ADAMTSL1: variants seen among roughly 807,000 people sequenced by gnomAD.
ADAMTSL1 encodes ADAMTS like 1, also known as ADAMTS-like protein 1.
A neutral mutation model predicts 201.8 loss-of-function variants in ADAMTSL1; 126 were observed. The ratio of observed to expected loss-of-function variants is 0.62; its 90% CI spans 0.54 to 0.72. The LOEUF (loss-of-function observed/expected upper bound fraction) is 0.72, where lower values mean the gene tolerates loss of function less well. Among genes scored for constraint, ADAMTSL1 ranks in the 30% least tolerant of loss-of-function variants. ADAMTSL1 has a pLI of 0.00. For missense variants in ADAMTSL1, 2,679 were observed against 2,277.8 expected, an observed-to-expected ratio of 1.18 and a Z score of -3.59; for synonymous variants, 1,121 against 903.4, an observed-to-expected ratio of 1.24 and a Z score of -4.32.
intron 2 of ADAMTSL1, among the ~76,000 whole-genome samples, chr9:18,202,782 A>C (rs1418936079): frequency 1.3e-5 from 2 of 152,024 alleles, no homozygotes; most frequent in African/African-American, 2.4e-5. Context: ...TGTTTTTTTC[A>C]TCTCCAGTTT....
At chr9:17,987,283 G>T (rs941447187) in intron 1 of ADAMTSL1, among the ~76,000 whole-genome samples, 20 of 152,044 alleles carry the variant, frequency 1.3e-4, no homozygotes, top group African/African-American at 4.3e-4. Flanking sequence ...TATTTCCCCA[G>T]ATGATAAGCA....
intron 23 of ADAMTSL1, among the ~76,000 whole-genome samples, chr9:18,843,191 T>C (rs1272874067): frequency 4.0e-5 from 6 of 150,886 alleles, no homozygotes; most frequent in Non-Finnish European, 1.5e-5. Context: ...CCTTTCCATG[T>C]TTAGTGCTTC....
At chr9:18,599,656 C>G (rs1387681335) in intron 4 of ADAMTSL1, among the ~76,000 whole-genome samples, 3 of 152,074 alleles carry the variant, frequency 2.0e-5, no homozygotes, top group African/African-American at 7.2e-5. Context: ...TTTCGTGGCT[C>G]TAAAGCAGAA....
chr9:18,200,076 G>A (rs999925546), intron 2 of ADAMTSL1, among the ~76,000 whole-genome samples: 10 of 151,864 alleles, frequency 6.6e-5, no homozygotes, highest in South Asian at 2.1e-4. Context: ...GAGAGAAGAG[G>A]AACCCAAAAT....
In ADAMTSL1 at chr9:18,071,119, C is replaced by T. The variant is rs540353007; in HGVS notation, c.88-92743C>T. Among the ~76,000 whole-genome samples, 14 of 152,228 alleles carry T rather than the reference C, an allele frequency of 9.2e-5. No individual in the cohort carries two copies. The South Asian group carries it at 1.9e-3, about 20-fold the overall frequency. ...AACAGAAGAGAGAGGAGATTGCTGTCGGGGTTTAAGTTTTGAGATGAGCAT... is the reference window on the plus strand; with the variant it reads ...AACAGAAGAGAGAGGAGATTGCTGTTGGGGTTTAAGTTTTGAGATGAGCAT... On this transcript the variant is annotated intron_variant, in intron 1 of 29. Coordinates refer to the ADAMTSL1 transcript ENST00000680146.
intron 1 of ADAMTSL1, among the ~76,000 whole-genome samples, chr9:18,051,177 T>A (rs933310038): frequency 6.6e-6 from 1 of 152,124 alleles, no homozygotes; most frequent in Non-Finnish European, 1.5e-5. Context: ...GGCGGGCGCC[T>A]GTAGCCCCAG....
intron 2 of ADAMTSL1, among the ~76,000 whole-genome samples, chr9:18,370,689 G>GTTT (rs1563918306): frequency 1.4e-5 from 2 of 140,048 alleles, no homozygotes; most frequent in African/African-American, 5.7e-5. Context: ...TTTGTAGAGC[G>GTTT]TCTTTTTTTT....
intron 1 of ADAMTSL1, among the ~76,000 whole-genome samples, chr9:17,950,442 T>G (rs963683316): frequency 1.3e-5 from 2 of 151,964 alleles, no homozygotes. Flanking sequence ...AAATTTCTAC[T>G]GTGAATTTCA....
intron 15 of ADAMTSL1, among the ~76,000 whole-genome samples, chr9:18,727,199 C>A (rs975039510): frequency 2.0e-5 from 3 of 152,188 alleles, no homozygotes; most frequent in African/African-American, 7.2e-5. Flanking sequence ...TTTGATGGAG[C>A]TTTCAAAGCC....
chr9:18,192,924 T>G (rs1393579694), intron 2 of ADAMTSL1, among the ~76,000 whole-genome samples: 2 of 152,154 alleles, frequency 1.3e-5, no homozygotes, highest in African/African-American at 4.8e-5. Flanking sequence ...CATTTCTGCT[T>G]GCTGCAATTC....
chr9:18,370,307 C>A (rs886401868), intron 2 of ADAMTSL1, among the ~76,000 whole-genome samples: 4 of 151,588 alleles, frequency 2.6e-5, no homozygotes, highest in African/African-American at 9.7e-5. Context: ...GCACTGGGGA[C>A]TCCAAAGGGG....
chr9:18,513,342 A>G (rs1818153814), intron 2 of ADAMTSL1, among the ~76,000 whole-genome samples: 2 of 152,130 alleles, frequency 1.3e-5, no homozygotes, highest in Non-Finnish European at 2.9e-5. Flanking sequence ...CCTCCCTTCT[A>G]CTGTCTGCTT....
In ADAMTSL1 at chr9:18,857,207, C is replaced by G. The variant is rs140617611; in HGVS notation, c.4249+27230C>G. 1.8e-3 allele frequency among the ~76,000 whole-genome samples: 278 copies of G among 152,284 alleles called. 1 individual carries two copies. The highest frequency in any genetic ancestry group is 6.2e-3 in the African/African-American group (259 of 41,558). On this transcript the variant is annotated intron_variant, in intron 23 of 28. Transcript: ENST00000380548. Reference sequence around the variant, plus strand: ...AGTGGAATACAAAGAACTTTTTCTACCTCATCCATTCGGGAGTAAGTTGCT... The same window carrying G: ...AGTGGAATACAAAGAACTTTTTCTAGCTCATCCATTCGGGAGTAAGTTGCT...
intron 2 of ADAMTSL1, among the ~76,000 whole-genome samples, chr9:18,229,605 AAAATT>A (rs1388147223): frequency 1.3e-5 from 2 of 152,142 alleles, no homozygotes; most frequent in Non-Finnish European, 1.5e-5. Context: ...GACACTGAAA[AAAATT>A]AGACTTAAAA....
intron 2 of ADAMTSL1, among the ~76,000 whole-genome samples, chr9:18,364,262 C>T (rs943469039): frequency 6.6e-6 from 1 of 152,096 alleles, no homozygotes. Flanking sequence ...AGAAAAACCA[C>T]CTGGCAGAGG....
intron 7 of ADAMTSL1, among the ~76,000 whole-genome samples, chr9:18,649,680 G>A (rs1349414128): frequency 2.6e-5 from 4 of 152,176 alleles, no homozygotes; most frequent in Non-Finnish European, 5.9e-5. Flanking sequence ...CTGGGTATCA[G>A]CAGCGGTGTC....
At chr9:18,875,913 A>G (rs1364409817) in intron 23 of ADAMTSL1, among the ~76,000 whole-genome samples, 1 of 152,044 alleles carries the variant, frequency 6.6e-6, no homozygotes, top group East Asian at 1.9e-4. Flanking sequence ...TTGTTTTATA[A>G]GTTTGGGAGC....
chr9:18,904,894 G>A (rs576263985), intron 26 of ADAMTSL1, among the ~76,000 whole-genome samples: 1 of 151,986 alleles, frequency 6.6e-6, no homozygotes, highest in Non-Finnish European at 1.5e-5. Flanking sequence ...TCTTTCAGTG[G>A]TTCTTAACCT....
intron 1 of ADAMTSL1, among the ~76,000 whole-genome samples, chr9:18,150,713 G>A (rs537359439): frequency 6.6e-6 from 1 of 150,620 alleles, no homozygotes; most frequent in Non-Finnish European, 1.5e-5. Context: ...GAGGAGGGGG[G>A]AGAGTAATAA....
Sources: gnomAD v4.1 joint callset for allele counts (sites outside exome capture counted in the v4.1 genomes callset) on GRCh38, gnomAD v4.1.1 for gene constraint, MANE v1.5 for transcripts, NCBI Gene and HGNC (gene_info 2026-07-23, HGNC 2026-07-21) for gene names.